Variants in NCKAP5 observed in about 807,000 individuals in gnomAD.
NCKAP5 encodes the protein NCK associated protein 5.
Under a neutral mutation model 167.0 loss-of-function variants are expected in NCKAP5, and 92 were observed. That is an observed-to-expected ratio of 0.55 (90% CI 0.47 to 0.66). The LOEUF (loss-of-function observed/expected upper bound fraction) is 0.66, where lower values mean the gene tolerates loss of function less well. Ranked by LOEUF, NCKAP5 falls within the 30% of genes least tolerant of loss-of-function variation. The pLI, the probability that NCKAP5 is intolerant of heterozygous loss-of-function variation, is 0.00. For synonymous variants in NCKAP5, 891 were observed against 877.4 expected (o/e 1.02, Z -0.27); for missense variants, 2,378 against 2,315.0 (o/e 1.03, Z -0.56).
At chr2:132,945,063 A>G (rs2149114311) in intron 8 of NCKAP5, among the ~76,000 whole-genome samples, 1 of 152,158 alleles carries the variant, frequency 6.6e-6, no homozygotes, top group South Asian at 2.1e-4. Context: ...TTTGATTAAA[A>G]CTGGCCCCAA....
chr2:133,205,756 C>CATAT (rs138042009), intron 5 of NCKAP5, among the ~76,000 whole-genome samples: 2 of 151,568 alleles, frequency 1.3e-5, no homozygotes, highest in African/African-American at 2.4e-5. Flanking sequence ...ATGAATATGC[C>CATAT]ATATATATAT....
intron 3 of NCKAP5, among the ~76,000 whole-genome samples, chr2:133,311,701 G>C (rs918460013): frequency 1.1e-4 from 16 of 152,146 alleles, no homozygotes; most frequent in African/African-American, 3.6e-4. Context: ...TGTGCCAGAT[G>C]TTATCACTCA....
At position 133,426,376 on chromosome 2, in the gene NCKAP5, CTTTT is replaced by C. The variant is rs201287930; in HGVS notation, c.69+91078_69+91081del. Among the ~76,000 whole-genome samples, 238 of 133,914 alleles carry C rather than the reference CTTTT, an allele frequency of 1.8e-3. 2 individuals are homozygous for C. The highest frequency in any genetic ancestry group is 6.2e-3 in the African/African-American group (225 of 36,354). The allele number at this position is 133,914 out of a possible 152,430, so 87.9% of individuals were successfully genotyped here. A position where few individuals can be genotyped will look rare whatever the true frequency, so the allele number is the denominator to read the frequency against. On this transcript the variant is annotated intron_variant, in intron 3 of 19. Transcript: ENST00000409261. ...AGAGGAAAATATATAGCCTTAAATG[CTTTT>C]ATTTAAAAAAAAAAGATAGAAAATA...
chr2:133,334,801 T>G (rs1226952270), intron 3 of NCKAP5, among the ~76,000 whole-genome samples: 2 of 152,172 alleles, frequency 1.3e-5, no homozygotes, highest in Non-Finnish European at 2.9e-5. Context: ...AATTCCTGAA[T>G]TAGGGTGCCC....
intron 19 of NCKAP5, among the ~76,000 whole-genome samples, chr2:132,673,715 AT>A (rs1230746623): frequency 1.3e-5 from 2 of 152,268 alleles, no homozygotes; most frequent in East Asian, 3.9e-4. Context: ...TTTTTTTCTA[AT>A]AAAAAAAAGA....
chr2:133,412,170 G>T (rs115132213), intron 3 of NCKAP5, among the ~76,000 whole-genome samples: 1 of 152,102 alleles, frequency 6.6e-6, no homozygotes, highest in Non-Finnish European at 1.5e-5. Flanking sequence ...TGATTAGCTC[G>T]CGAGGATAGA....
At chr2:133,323,396 C>G (rs1682202126) in intron 3 of NCKAP5, among the ~76,000 whole-genome samples, 1 of 152,172 alleles carries the variant, frequency 6.6e-6, no homozygotes, top group Non-Finnish European at 1.5e-5. Flanking sequence ...CTGCTAGCAT[C>G]TATCCTATTT....
intron 7 of NCKAP5, among the ~76,000 whole-genome samples, chr2:132,983,381 G>A (rs1372937208): frequency 6.6e-6 from 1 of 152,126 alleles, no homozygotes; most frequent in African/African-American, 2.4e-5. Context: ...TCTGTTTCTT[G>A]TTCCAGTTCT....
intron 4 of NCKAP5, among the ~76,000 whole-genome samples, chr2:133,253,899 G>A (rs1462489469): frequency 6.6e-6 from 1 of 152,142 alleles, no homozygotes; most frequent in Non-Finnish European, 1.5e-5. Context: ...AGATAAGGCT[G>A]GACTCCAGCA....
At chr2:132,963,650 C>G (rs1452526072) in intron 8 of NCKAP5, 70 bp downstream of exon 8, 1 of 1,483,942 alleles carries the variant, frequency 6.7e-7, no homozygotes, top group Non-Finnish European at 9.3e-7. Flanking sequence ...TCACTCAAAA[C>G]CAGTGCCAAT....
At chr2:132,871,914 G>C (rs1690852468) in intron 9 of NCKAP5, among the ~76,000 whole-genome samples, 1 of 151,590 alleles carries the variant, frequency 6.6e-6, no homozygotes, top group African/African-American at 2.4e-5. Context: ...AAATAGGACA[G>C]CTGTTTGGAG....
intron 4 of NCKAP5, among the ~76,000 whole-genome samples, chr2:133,253,700 C>G (rs1298603778): frequency 6.6e-6 from 1 of 152,120 alleles, no homozygotes; most frequent in Non-Finnish European, 1.5e-5. Context: ...GTCTCAGTTT[C>G]CTTATATGTA....
At chr2:133,326,410 C>T (rs1273298781) in intron 3 of NCKAP5, among the ~76,000 whole-genome samples, 3 of 143,570 alleles carry the variant, frequency 2.1e-5, no homozygotes, top group Non-Finnish European at 3.0e-5. Flanking sequence ...GCCGAGTTCA[C>T]ACCACTACTG....
intron 4 of NCKAP5, among the ~76,000 whole-genome samples, chr2:133,278,422 T>A (rs1396854207): frequency 6.6e-6 from 1 of 152,092 alleles, no homozygotes; most frequent in African/African-American, 2.4e-5. Flanking sequence ...CCAGGAACTT[T>A]ATGTCTCTTA....
intron 8 of NCKAP5, among the ~76,000 whole-genome samples, chr2:132,900,877 G>A (rs190221903): frequency 1.5e-4 from 23 of 149,918 alleles, no homozygotes; most frequent in African/African-American, 5.4e-4. Context: ...GGAGAATCGC[G>A]TGAACCCAGG....
At chr2:132,700,179 T>G (rs1391262551) in intron 19 of NCKAP5, among the ~76,000 whole-genome samples, 1 of 152,158 alleles carries the variant, frequency 6.6e-6, no homozygotes, top group Non-Finnish European at 1.5e-5. Context: ...ATGGGGTTGA[T>G]TTTTTCTTGT....
At chr2:133,237,784 T>C (rs1197924401) in intron 4 of NCKAP5, among the ~76,000 whole-genome samples, 3 of 152,180 alleles carry the variant, frequency 2.0e-5, no homozygotes, top group African/African-American at 4.8e-5. Flanking sequence ...CTAACTCAGC[T>C]CTAGTTAATA....
intron 3 of NCKAP5, among the ~76,000 whole-genome samples, chr2:133,408,097 A>G (rs570880579): frequency 2.0e-5 from 3 of 152,262 alleles, no homozygotes; most frequent in South Asian, 2.1e-4. Flanking sequence ...AGTGCAGTCC[A>G]TTGGGGAGCC....
chr2:133,424,331 A>T (rs987631144), intron 3 of NCKAP5, among the ~76,000 whole-genome samples: 13 of 152,184 alleles, frequency 8.5e-5, no homozygotes, highest in African/African-American at 3.1e-4. Flanking sequence ...ACACCAGAAA[A>T]GTCCCTGGCC....
Sources: gnomAD v4.1 joint callset for allele counts (sites outside exome capture counted in the v4.1 genomes callset) on GRCh38, gnomAD v4.1.1 for gene constraint, MANE v1.5 for transcripts, NCBI Gene and HGNC (gene_info 2026-07-23, HGNC 2026-07-21) for gene names.